The following OBI1 variants were observed in gnomAD, a reference collection of about 807,000 sequenced individuals.
OBI1 encodes ring finger protein 219.
OBI1 carries 59 observed loss-of-function variants against 62.4 expected under a neutral mutation model. The observed-to-expected ratio is 0.95, with a 90% confidence interval of 0.77 to 1.17. The LOEUF (loss-of-function observed/expected upper bound fraction) is 1.17. OBI1 is among the 50% of genes most tolerant of loss of function. The pLI is 0.00. For synonymous variants in OBI1, 302 were observed against 292.8 expected, an observed-to-expected ratio of 1.03 and a Z score of -0.32; for missense variants, 875 against 830.9, an observed-to-expected ratio of 1.05 and a Z score of -0.65.
intron 5 of OBI1, among the ~76,000 whole-genome samples, chr13:78,627,800 A>G (rs917742144): frequency 6.6e-6 from 1 of 152,232 alleles, no homozygotes; most frequent in Non-Finnish European, 1.5e-5. Context: ...TATACGACAC[A>G]TCATGTCAAG....
Position 78,648,095 on chromosome 13 carries a change from C to G in OBI1, c.73-3098G>C, listed in dbSNP as rs578151191. On this transcript the variant is annotated intron_variant, in intron 1 of 5. Coordinates refer to ENST00000282003, the MANE Select transcript of OBI1 (RefSeq NM_024546.4). ...TATTCCTGGTCAGAGTCTCAAATGGCAGACAAACCTGAACTTTCTTTGCAG... is the reference window on the plus strand; with the variant it reads ...TATTCCTGGTCAGAGTCTCAAATGGGAGACAAACCTGAACTTTCTTTGCAG... 2.6e-4 allele frequency among the ~76,000 whole-genome samples: 39 copies of G among 152,172 alleles called. 1 individual carries two copies. In the South Asian group the frequency reaches 5.8e-3, roughly 23 times the overall value.
chr13:78,621,277 C>T (rs1875503981), intron 5 of OBI1, among the ~76,000 whole-genome samples: 1 of 152,220 alleles, frequency 6.6e-6, no homozygotes, highest in Admixed American at 6.5e-5. Context: ...AGTTACCACA[C>T]CATTATTAAT....
chr13:78,659,094 TG>T lies in OBI1; in HGVS notation c.26del (p.Thr9AsnfsTer38). On this transcript the variant is annotated frameshift_variant, in exon 1 of 6. Transcript: ENST00000282003. LOFTEE classifies it high-confidence loss of function. MAQTVQNVTLSLTLPITCH... is the reference protein window; with the variant it reads MAQTVQNVXLSLTLPITCH... ...ACGTGATGGGCAGAGTGAGCGACAA[TG>T]TAACATTCTGCACGGTCTGAGCCAT... The T allele has an allele frequency of 6.2e-7, 1 of 1,612,190 alleles. No individual in the cohort carries two copies. Among genetic ancestry groups the T allele is most frequent in the Non-Finnish European group, 8.5e-7 (1 of 1,179,582 alleles).
intron 1 of OBI1, among the ~76,000 whole-genome samples, chr13:78,647,254 G>A (rs752646598): frequency 2.0e-5 from 3 of 152,226 alleles, no homozygotes; most frequent in Non-Finnish European, 4.4e-5. Flanking sequence ...AAAAGGGGAA[G>A]GCCCCTTGCA....
At position 78,615,839 on chromosome 13, in the gene OBI1, G is replaced by A. The variant is rs267603861; in HGVS notation, c.1922C>T (p.Pro641Leu). 1.9e-6 allele frequency: 3 copies of A among 1,614,050 alleles called. No individual in the cohort carries two copies. The highest frequency in any genetic ancestry group is 2.5e-6 in the Non-Finnish European group (3 of 1,179,970). ...CTCTGTCTGAAACAAGCAGCTTGGGGGTTTGATTTCATTAGTTACTGGACA... is the reference window on the plus strand; with the variant it reads ...CTCTGTCTGAAACAAGCAGCTTGGGAGTTTGATTTCATTAGTTACTGGACA... ...SSCPVTNEIK[P>L]PSCLFQTEFS... Residue 641 changes from proline to leucine, a missense_variant, in exon 6 of 6, where the codon CCC (proline) becomes CTC (leucine). Physicochemically the swap from Pro to Leu is moderately conservative, Grantham distance 98. Coordinates refer to ENST00000282003, the MANE Select transcript of OBI1 (RefSeq NM_024546.4).
chr13:78,619,240 A>C (rs1345456468), intron 5 of OBI1, among the ~76,000 whole-genome samples: 3 of 152,064 alleles, frequency 2.0e-5, no homozygotes, highest in Non-Finnish European at 4.4e-5. Context: ...TTCCCAAAAT[A>C]TTACCAGCTT....
rs17070047 is a variant in OBI1, at chr13:78,617,972, C to T, written c.639-850G>A. 4.4e-3 allele frequency among the ~76,000 whole-genome samples: 673 copies of T among 152,122 alleles called. 8 individuals are homozygous for T. Among genetic ancestry groups the T allele is most frequent in the African/African-American group, 0.015 (623 of 41,500 alleles). On this transcript the variant is annotated intron_variant, in intron 5 of 5. Transcript: ENST00000282003. ...CTGTTATTTCCACCAAGAATGAGTA[C>T]TGTGTTAAGCTCAGGAAACAATTTT...
chr13:78,619,324 T>C (rs1566275368), intron 5 of OBI1, among the ~76,000 whole-genome samples: 2 of 117,184 alleles, frequency 1.7e-5, no homozygotes, highest in East Asian at 2.2e-4. Context: ...TCTCTCTCTC[T>C]ATATATTTTT....
chr13:78,639,507 A>T (rs1304572280), intron 3 of OBI1, among the ~76,000 whole-genome samples: 7 of 151,556 alleles, frequency 4.6e-5, no homozygotes, highest in Non-Finnish European at 1.0e-4. Flanking sequence ...TACCCAAAGG[A>T]CTATAAATCA....
intron 5 of OBI1, among the ~76,000 whole-genome samples, chr13:78,625,688 G>T (rs1456986783): frequency 6.6e-6 from 1 of 152,176 alleles, no homozygotes; most frequent in Non-Finnish European, 1.5e-5. Context: ...ATCCAGAGAA[G>T]GGTCCCTCAG....
chr13:78,639,060 A>G lies in OBI1; in HGVS notation c.312T>C (p.Asp104=). 1 of 1,612,630 alleles carries G rather than the reference A, an allele frequency of 6.2e-7. No homozygotes were observed. The highest frequency in any genetic ancestry group is 8.5e-7 in the Non-Finnish European group (1 of 1,179,496). Residue 104 remains aspartate (D), a synonymous_variant, in exon 4 of 6, where the codon GAT becomes GAC. Transcript: ENST00000282003. ...GCTCTTCTACTTCTTTCTGTAAACA[A>G]TCTATTTCGTCCTGAAAAAGCATTG... ...LLHKEYEDEI[D]CLQKEVEELK...
In OBI1 at chr13:78,635,210, A is replaced by G. The variant is rs745549593; in HGVS notation, c.550-12T>C. 3 of 1,487,104 alleles carry G rather than the reference A, an allele frequency of 2.0e-6. No homozygotes were observed. The highest frequency in any genetic ancestry group is 2.3e-5 in the East Asian group (1 of 44,184). The allele number at this position is 1,487,104 out of a possible 1,614,324, so 92.1% of individuals were successfully genotyped here. Reference sequence around the variant, plus strand: ...AATTTTTTATTTGCCTAAAATAACAAATTGAAAATAAGTAAGCAAAAGCTA... The same window carrying G: ...AATTTTTTATTTGCCTAAAATAACAGATTGAAAATAAGTAAGCAAAAGCTA... On this transcript the variant is annotated splice_polypyrimidine_tract_variant and intron_variant, in intron 4 of 5. Coordinates refer to ENST00000282003, the MANE Select transcript of OBI1 (RefSeq NM_024546.4).
At chr13:78,621,372 G>A (rs76606021) in intron 5 of OBI1, among the ~76,000 whole-genome samples, 11,620 of 152,218 alleles carry the variant, frequency 0.076, 549 homozygotes, top group South Asian at 0.14. Context: ...TTCATGATCA[G>A]TGACCCATCA....
In OBI1 at chr13:78,617,005, A is replaced by G; in HGVS notation, c.756T>C (p.Ser252=). The part of the protein sequence containing the change: ...RSDKYIEELE[S]QVAQLKNSSE... ...TTGAATTTTTTAGCTGTGCAACTTG[A>G]GATTCTAGTTCCTCTATATACTTAT... Residue 252 remains serine (S), a synonymous_variant, in exon 6 of 6, where the codon TCT becomes TCC. Coordinates refer to ENST00000282003, the MANE Select transcript of OBI1 (RefSeq NM_024546.4). 1 of 1,614,136 alleles carries G rather than the reference A, an allele frequency of 6.2e-7. No homozygotes were observed. Among genetic ancestry groups the G allele is most frequent in the Non-Finnish European group, 8.5e-7 (1 of 1,180,014 alleles).
At chr13:78,653,990 C>T (rs946572518) in intron 1 of OBI1, among the ~76,000 whole-genome samples, 1 of 150,470 alleles carries the variant, frequency 6.6e-6, no homozygotes, top group Admixed American at 6.7e-5. Flanking sequence ...TTTAAGAAAT[C>T]CCTGGTTCTG....
chr13:78,633,874 T>C (rs1205403134), intron 5 of OBI1, among the ~76,000 whole-genome samples: 1 of 151,968 alleles, frequency 6.6e-6, no homozygotes, highest in Non-Finnish European at 1.5e-5. Context: ...GAGACCATCT[T>C]GGCTAACACG....
chr13:78,632,285 C>A (rs911805829), intron 5 of OBI1, among the ~76,000 whole-genome samples: 1 of 152,132 alleles, frequency 6.6e-6, no homozygotes, highest in Non-Finnish European at 1.5e-5. Context: ...ATATCACAAC[C>A]CGACCCTGCC....
Position 78,615,725 on chromosome 13 carries a change from A to G in OBI1, c.2036T>C (p.Met679Thr). 6.2e-7 allele frequency: 1 copy of G among 1,614,128 alleles called. No homozygotes were observed. Reference protein sequence around the residue: ...GSSLFKMSSEMHSLHNHLQSP... With the variant: ...GSSLFKMSSETHSLHNHLQSP... ...CTGAAGGTGGTTATGAAGACTGTGC[A>G]TCTCTGAGGACATCTTAAACAAAGA... The change falls in exon 6 of 6, where the codon ATG becomes ACG. Residue 679 changes from methionine (M) to threonine (T), a missense_variant. Met to Thr is a moderately conservative substitution (Grantham distance 81, BLOSUM62 -1). Transcript: ENST00000282003.
intron 4 of OBI1, among the ~76,000 whole-genome samples, chr13:78,637,601 AG>A (rs966945961): frequency 2.0e-5 from 3 of 152,236 alleles, no homozygotes; most frequent in Non-Finnish European, 2.9e-5. Context: ...GGGAAATTAA[AG>A]GGAACAAGGC....
Sources: allele counts gnomAD v4.1 joint callset (sites outside exome capture counted in the v4.1 genomes callset), GRCh38; gene constraint gnomAD v4.1.1; transcripts MANE v1.5; gene names NCBI Gene and HGNC (gene_info 2026-07-23, HGNC 2026-07-21).